APBB2: variants seen among roughly 807,000 people sequenced by gnomAD.
The protein encoded by APBB2 is Fe65-like 1.
Under a neutral mutation model 82.5 loss-of-function variants are expected in APBB2, and 38 were observed. That is an observed-to-expected ratio of 0.46 (90% CI 0.36 to 0.60). The LOEUF is 0.60. Among genes scored for constraint, APBB2 ranks in the 20% least tolerant of loss-of-function variants. APBB2 has a pLI of 0.00. For missense variants in APBB2, 772 were observed against 972.3 expected (o/e 0.79, Z 2.74); for synonymous variants, 341 against 368.2 (o/e 0.93, Z 0.85).
intron 6 of APBB2, among the ~76,000 whole-genome samples, chr4:40,959,177 C>T (rs1792442325): frequency 6.6e-6 from 1 of 152,098 alleles, no homozygotes; most frequent in Non-Finnish European, 1.5e-5. Flanking sequence ...GAGAATGTGC[C>T]CCGCTGCCAC....
At chr4:41,092,979 A>G (rs1365643240) in intron 3 of APBB2, among the ~76,000 whole-genome samples, 1 of 152,132 alleles carries the variant, frequency 6.6e-6, no homozygotes, top group African/African-American at 2.4e-5. Flanking sequence ...GAACACCTGA[A>G]CTTACTGTCG....
intron 12 of APBB2, among the ~76,000 whole-genome samples, chr4:40,849,774 C>T (rs1042829638): frequency 7.0e-6 from 1 of 143,020 alleles, no homozygotes; most frequent in Non-Finnish European, 1.5e-5. Context: ...GTCACCCAGG[C>T]TGGAGTGCAG....
chr4:41,090,317 T>C (rs1475395131), intron 3 of APBB2, among the ~76,000 whole-genome samples: 2 of 152,224 alleles, frequency 1.3e-5, no homozygotes, highest in Non-Finnish European at 2.9e-5. Flanking sequence ...AAACAAGCTA[T>C]GGTAAGATTT....
intron 10 of APBB2, among the ~76,000 whole-genome samples, chr4:40,903,571 G>A (rs1775916008): frequency 6.6e-6 from 1 of 152,232 alleles, no homozygotes; most frequent in Non-Finnish European, 1.5e-5. Context: ...AGAGATGGCT[G>A]ATGTTGTCAG....
chr4:41,029,874 T>G (rs2154439864), intron 5 of APBB2, among the ~76,000 whole-genome samples: 1 of 152,248 alleles, frequency 6.6e-6, no homozygotes, highest in East Asian at 1.9e-4. Context: ...AAAGAAGAGC[T>G]GGCTGGGCGC....
chr4:41,153,628 G>C (rs2154029274), intron 1 of APBB2, among the ~76,000 whole-genome samples: 1 of 152,240 alleles, frequency 6.6e-6, no homozygotes, highest in Non-Finnish European at 1.5e-5. Flanking sequence ...AGATAAATGA[G>C]GCAGAATTAA....
chr4:41,187,870 C>T (rs1167759834), intron 1 of APBB2, among the ~76,000 whole-genome samples: 2 of 152,152 alleles, frequency 1.3e-5, no homozygotes, highest in African/African-American at 2.4e-5. Flanking sequence ...AAAAAAGTTT[C>T]TATGTATGCA....
intron 1 of APBB2, among the ~76,000 whole-genome samples, chr4:41,152,477 C>CCGAGT (rs1762511457): frequency 1.3e-5 from 2 of 152,082 alleles, no homozygotes; most frequent in Non-Finnish European, 2.9e-5. Context: ...CGCCCACCAC[C>CCGAGT]AACCATGTCC....
At chr4:41,047,945 CCA>C (rs1045057074) in intron 4 of APBB2, among the ~76,000 whole-genome samples, 1 of 152,206 alleles carries the variant, frequency 6.6e-6, no homozygotes, top group Non-Finnish European at 1.5e-5. Context: ...CCTCTTTTCC[CCA>C]CATTCTCTAA....
intron 6 of APBB2, among the ~76,000 whole-genome samples, chr4:40,974,159 C>G (rs1350686243): frequency 6.6e-6 from 1 of 151,914 alleles, no homozygotes; most frequent in Non-Finnish European, 1.5e-5. Flanking sequence ...GCCAAATTTC[C>G]TCTTCTAAGA....
At chr4:41,000,069 A>ATGTGTGTATGTGTG (rs1553902979) in intron 6 of APBB2, among the ~76,000 whole-genome samples, 2 of 130,686 alleles carry the variant, frequency 1.5e-5, no homozygotes, top group East Asian at 2.2e-4. Context: ...ATATGTGTGT[A>ATGTGTGTATGTGTG]TGTGTGTGTG....
At chr4:41,159,907 AAGG>A (rs539873521) in intron 1 of APBB2, among the ~76,000 whole-genome samples, 505 of 35,574 alleles carry the variant, frequency 0.014, 55 homozygotes, top group African/African-American at 0.032. Context: ...GAAGAAGGAG[AAGG>A]AGGAGGAGGA....
chr4:41,082,816 C>T (rs533602495), intron 3 of APBB2, among the ~76,000 whole-genome samples: 2 of 152,084 alleles, frequency 1.3e-5, no homozygotes, highest in Non-Finnish European at 2.9e-5. Flanking sequence ...AGCAGCTGGG[C>T]GGCATGCAGT....
chr4:40,961,676 A>C (rs1351705270), intron 6 of APBB2, among the ~76,000 whole-genome samples: 5 of 114,744 alleles, frequency 4.4e-5, no homozygotes, highest in Non-Finnish European at 9.3e-5. Flanking sequence ...GTAAAAAAAA[A>C]AAAAAAAAAA....
At chr4:40,932,926 C>T (rs1018829949) in intron 10 of APBB2, among the ~76,000 whole-genome samples, 2 of 152,120 alleles carry the variant, frequency 1.3e-5, no homozygotes, top group African/African-American at 2.4e-5. Context: ...TGCAGTGGCG[C>T]GATCTCAGCT....
intron 3 of APBB2, among the ~76,000 whole-genome samples, chr4:41,077,643 T>C (rs887780084): frequency 3.3e-5 from 5 of 152,272 alleles, no homozygotes; most frequent in Middle Eastern, 3.4e-3. Context: ...ATCAATCATA[T>C]GTAAGGGAAG....
chr4:41,159,961 G>GAGAAGGAGAAGGAGA (rs1764562022), intron 1 of APBB2, among the ~76,000 whole-genome samples: 1 of 31,990 alleles, frequency 3.1e-5, no homozygotes, highest in African/African-American at 1.0e-4. Context: ...GAAGGAGAAG[G>GAGAAGGAGAAGGAGA]AGAAGAAGAA....
intron 2 of APBB2, among the ~76,000 whole-genome samples, chr4:41,125,869 A>G (rs1234812550): frequency 1.3e-5 from 2 of 152,190 alleles, no homozygotes; most frequent in Admixed American, 1.3e-4. Flanking sequence ...TCCCATGCAC[A>G]TGGTCCAATT....
intron 17 of APBB2, 68 bp downstream of exon 17, chr4:40,821,803 A>G (rs1748038913): frequency 1.3e-6 from 2 of 1,555,056 alleles, no homozygotes. Flanking sequence ...TGATTCTGCT[A>G]TAATGTATGG....
Sources: allele counts gnomAD v4.1 joint callset (sites outside exome capture counted in the v4.1 genomes callset), GRCh38; gene constraint gnomAD v4.1.1; transcripts MANE v1.5; gene names NCBI Gene and HGNC (gene_info 2026-07-23, HGNC 2026-07-21).